The following SEMA3E variants were observed in gnomAD, a reference collection of about 807,000 sequenced individuals.
The protein encoded by SEMA3E is semaphorin 3E, also known as semaphorin-3E.
In SEMA3E, 49 loss-of-function variants were observed where a neutral mutation model predicts 93.6. The observed-to-expected ratio is 0.52, with a 90% CI of 0.42 to 0.66. The LOEUF (loss-of-function observed/expected upper bound fraction) is 0.66. Ranked by LOEUF, SEMA3E falls within the 30% of genes least tolerant of loss-of-function variation. SEMA3E has a pLI of 0.00. For synonymous variants in SEMA3E, 363 were observed against 330.7 expected, an observed-to-expected ratio of 1.10 and a Z score of -1.06; for missense variants, 906 against 964.8, an observed-to-expected ratio of 0.94 and a Z score of 0.81.
chr7:83,586,801 G>T (rs186772388), intron 1 of SEMA3E, among the ~76,000 whole-genome samples: 62 of 151,986 alleles, frequency 4.1e-4, no homozygotes, highest in African/African-American at 1.3e-3. Flanking sequence ...AATCTCTATC[G>T]TCAACAATGT....
In SEMA3E at chr7:83,407,182, T is replaced by A; in HGVS notation, c.728A>T (p.Lys243Ile). Residue 243 changes from lysine (K) to isoleucine (I), a missense_variant, in exon 7 of 17, where the codon AAA (lysine) becomes ATA (isoleucine). By Grantham distance (102) the Lys-to-Ile change is moderately radical. Transcript: ENST00000643230. Reference sequence around the variant, plus strand: ...CTTCTCAGTAAAAAAGAAATATACTTTGTTGTCATCTCTGTCTTCATTGTC... The same window carrying A: ...CTTCTCAGTAAAAAAGAAATATACTATGTTGTCATCTCTGTCTTCATTGTC... ...IPDNEDRDDN[K>I]VYFFFTEKAL... 6.2e-7 allele frequency: 1 copy of A among 1,613,556 alleles called. No homozygotes were observed. The highest frequency in any genetic ancestry group is 8.5e-7 in the Non-Finnish European group (1 of 1,179,772).
chr7:83,363,263 C>A lies in SEMA3E; in HGVS notation c.*4323G>T, dbSNP rs1020674355. The A allele has an allele frequency of 6.6e-6, 1 of 152,152 alleles. No individual in the cohort carries two copies. Among genetic ancestry groups the A allele is most frequent in the Non-Finnish European group, 1.5e-5 (1 of 68,032 alleles). 9.4% of individuals were successfully genotyped at this position (152,152 alleles called of 1,614,324 possible). A position where few individuals can be genotyped will look rare whatever the true frequency, so the allele number is the denominator to read the frequency against. ...TTGAGAGTTTAGCAAATATTTATTT[C>A]TTTTTCATCGAAGTTGAGCCAAATA... On this transcript the variant is annotated 3_prime_UTR_variant, in exon 17 of 17. Transcript: ENST00000643230.
chr7:83,613,187 C>T (rs42027), intron 1 of SEMA3E, among the ~76,000 whole-genome samples: 95,973 of 151,816 alleles, frequency 0.63, 31,062 homozygotes, highest in African/African-American at 0.78. Context: ...CTCTATAGTC[C>T]GAAAACAATG....
intron 1 of SEMA3E, among the ~76,000 whole-genome samples, chr7:83,579,716 C>T (rs973353456): frequency 6.6e-6 from 1 of 152,038 alleles, no homozygotes; most frequent in South Asian, 2.1e-4. Flanking sequence ...GACAATTATT[C>T]TTTTTCTTTC....
chr7:83,637,783 G>A (rs1379588236), intron 1 of SEMA3E, among the ~76,000 whole-genome samples: 1 of 137,078 alleles, frequency 7.3e-6, no homozygotes, highest in East Asian at 2.2e-4. Flanking sequence ...CCAGTCTCTG[G>A]CAGTTCTTTT....
At chr7:83,425,514 T>C (rs1026406920) in intron 4 of SEMA3E, among the ~76,000 whole-genome samples, 3 of 152,188 alleles carry the variant, frequency 2.0e-5, no homozygotes, top group Non-Finnish European at 2.9e-5. Flanking sequence ...CCTTTCTGAA[T>C]TGTGAATTTT....
intron 1 of SEMA3E, among the ~76,000 whole-genome samples, chr7:83,639,474 A>G (rs1251941947): frequency 6.6e-6 from 1 of 151,948 alleles, no homozygotes; most frequent in Non-Finnish European, 1.5e-5. Context: ...TTCAGTAGAT[A>G]CCAAAGCCCA....
chr7:83,378,417 G>A (rs908946099), intron 16 of SEMA3E, among the ~76,000 whole-genome samples: 5 of 151,668 alleles, frequency 3.3e-5, no homozygotes, highest in African/African-American at 9.7e-5. Flanking sequence ...CTATAAACAT[G>A]ACCAAGTCAC....
intron 1 of SEMA3E, among the ~76,000 whole-genome samples, chr7:83,548,296 C>G (rs1175011323): frequency 1.3e-5 from 2 of 152,056 alleles, no homozygotes; most frequent in Non-Finnish European, 2.9e-5. Context: ...CCTTACAGCT[C>G]TACTTCAAGT....
chr7:83,611,070 A>C (rs1793242737), intron 1 of SEMA3E, among the ~76,000 whole-genome samples: 2 of 151,178 alleles, frequency 1.3e-5, no homozygotes, highest in Admixed American at 1.3e-4. Context: ...TTCAATGGCA[A>C]ATTTTAGGCA....
chr7:83,588,675 C>A (rs2115936734), intron 1 of SEMA3E, among the ~76,000 whole-genome samples: 1 of 152,266 alleles, frequency 6.6e-6, no homozygotes, highest in South Asian at 2.1e-4. Context: ...TTCCTCTATC[C>A]TACTCACCTT....
chr7:83,575,910 A>C (rs1382218805), intron 1 of SEMA3E, among the ~76,000 whole-genome samples: 1 of 152,180 alleles, frequency 6.6e-6, no homozygotes, highest in East Asian at 1.9e-4. Context: ...TTTAAAACAC[A>C]GTAAAGGTTT....
At chr7:83,631,000 A>G (rs895872965) in intron 1 of SEMA3E, among the ~76,000 whole-genome samples, 6 of 152,128 alleles carry the variant, frequency 3.9e-5, no homozygotes, top group South Asian at 4.1e-4. Flanking sequence ...AGAACATGGG[A>G]CTTTCTACAA....
At position 83,648,838 on chromosome 7, in the gene SEMA3E, A is replaced by T. The variant is rs1794115785; in HGVS notation, c.-296T>A. On this transcript the variant is annotated 5_prime_UTR_variant, in exon 1 of 17. Coordinates refer to ENST00000643230, the MANE Select transcript of SEMA3E (RefSeq NM_012431.3). ...CAGCAACTACGCCGGTAGATTCAGGAAGAAGCTGTATTTTTCAGTCACTTG... is the reference window on the plus strand; with the variant it reads ...CAGCAACTACGCCGGTAGATTCAGGTAGAAGCTGTATTTTTCAGTCACTTG... 1 of 359,480 alleles carries T rather than the reference A, an allele frequency of 2.8e-6. No individual in the cohort carries two copies. Among genetic ancestry groups the T allele is most frequent in the East Asian group, 5.1e-5 (1 of 19,638 alleles). The allele number at this position is 359,480 out of a possible 1,614,324, so 22.3% of individuals were successfully genotyped here. A position where few individuals can be genotyped will look rare whatever the true frequency, so the allele number is the denominator to read the frequency against.
intron 4 of SEMA3E, among the ~76,000 whole-genome samples, chr7:83,455,522 G>T (rs988544045): frequency 6.6e-6 from 1 of 152,178 alleles, no homozygotes; most frequent in African/African-American, 2.4e-5. Flanking sequence ...ATACTGTGGT[G>T]GGTAGAATGC....
At chr7:83,564,418 T>A (rs1249238366) in intron 1 of SEMA3E, among the ~76,000 whole-genome samples, 3 of 147,866 alleles carry the variant, frequency 2.0e-5, no homozygotes, top group Non-Finnish European at 4.5e-5. Flanking sequence ...AGAGTCTGTA[T>A]CAAAAAAGAA....
chr7:83,482,564 C>CAAAAAAAAAAAAAAA (rs11429680), intron 2 of SEMA3E, among the ~76,000 whole-genome samples: 25 of 80,222 alleles, frequency 3.1e-4, no homozygotes, highest in African/African-American at 1.4e-3. Flanking sequence ...CACTCCGTCT[C>CAAAAAAAAAAAAAAA]AAAAAAAAAA....
At chr7:83,471,419 C>T (rs1789891720) in intron 2 of SEMA3E, among the ~76,000 whole-genome samples, 1 of 151,696 alleles carries the variant, frequency 6.6e-6, no homozygotes, top group Non-Finnish European at 1.5e-5. Flanking sequence ...TGAGTTTCTT[C>T]GTGCTGATAG....
chr7:83,488,005 G>T (rs186401810), intron 2 of SEMA3E, among the ~76,000 whole-genome samples: 2 of 151,928 alleles, frequency 1.3e-5, no homozygotes, highest in African/African-American at 2.4e-5. Context: ...CACTTTGCAC[G>T]CTAGGAAAAG....
Sources: allele counts gnomAD v4.1 joint callset (sites outside exome capture counted in the v4.1 genomes callset), GRCh38; gene constraint gnomAD v4.1.1; transcripts MANE v1.5; gene names NCBI Gene and HGNC (gene_info 2026-07-23, HGNC 2026-07-21).